TM9SF4: variants seen among roughly 807,000 people sequenced by gnomAD.
TM9SF4 encodes dinucleotide oxidase disulfide thiol exchanger 3 superfamily member 4.
A neutral mutation model predicts 90.4 loss-of-function variants in TM9SF4; 26 were observed. That is an observed-to-expected ratio of 0.29 (90% CI 0.21 to 0.40). TM9SF4 has a LOEUF of 0.40. Ranked by LOEUF, TM9SF4 falls within the 10% of genes least tolerant of loss-of-function variation. The pLI is 1.00. For missense variants in TM9SF4, 549 were observed against 834.8 expected, an observed-to-expected ratio of 0.66 and a Z score of 4.22; for synonymous variants, 293 against 315.4, an observed-to-expected ratio of 0.93 and a Z score of 0.75.
chr20:32,112,709 AC>A (rs1245113850), intron 1 of TM9SF4, among the ~76,000 whole-genome samples: 16 of 150,984 alleles, frequency 1.1e-4, no homozygotes, highest in Non-Finnish European at 2.2e-4. Flanking sequence ...AAAAAAAAAA[AC>A]AAAAAACAAA....
rs777818970 is a variant in TM9SF4 at position 32,145,434 on chromosome 20, T to C, written c.883+11T>C. The C allele has an allele frequency of 6.2e-7, 1 of 1,612,144 alleles. No homozygotes were observed. The highest frequency in any genetic ancestry group is 1.1e-5 in the South Asian group (1 of 91,032). On this transcript the variant is annotated intron_variant, in intron 8 of 17. Coordinates refer to ENST00000398022, the MANE Select transcript of TM9SF4 (RefSeq NM_014742.4). ...TCTTCTTCCTGTCAGGTGAGAGATC[T>C]GTGGGTTGAGGGAAAGGGGATGGGG...
In TM9SF4 at chr20:32,149,038, A is replaced by G. The variant is rs187137021; in HGVS notation, c.955-596A>G. ...CCTGAAGAAATGTTCACAAATACCA[A>G]CTGAAAATAACAAAGTACATAGTGT... On this transcript the variant is annotated intron_variant, in intron 9 of 17. Transcript: ENST00000398022. Among the ~76,000 whole-genome samples, 781 of 152,324 alleles carry G rather than the reference A, an allele frequency of 5.1e-3. 4 individuals carry two copies. Among genetic ancestry groups the G allele is most frequent in the African/African-American group, 0.018 (739 of 41,560 alleles).
At chr20:32,150,136 A>G (rs2046820460) in intron 10 of TM9SF4, among the ~76,000 whole-genome samples, 1 of 152,230 alleles carries the variant, frequency 6.6e-6, no homozygotes, top group African/African-American at 2.4e-5. Flanking sequence ...CCACTAATAT[A>G]TAGTAATTTT....
chr20:32,153,998 G>A (rs2046880932), intron 12 of TM9SF4, among the ~76,000 whole-genome samples: 1 of 152,144 alleles, frequency 6.6e-6, no homozygotes, highest in East Asian at 1.9e-4. Flanking sequence ...AGGAATAATG[G>A]TAGACTTTCC....
In TM9SF4 at chr20:32,155,197, C is replaced by T; in HGVS notation, c.1329+11C>T. 6.2e-7 allele frequency: 1 copy of T among 1,610,454 alleles called. No individual in the cohort carries two copies. The highest frequency in any genetic ancestry group is 1.1e-5 in the South Asian group (1 of 91,022). On this transcript the variant is annotated intron_variant, in intron 13 of 17. Transcript: ENST00000398022. The stretch of plus-strand genomic sequence containing the variant: ...CACTCATCAGGAGCGGTAAGTGCCT[C>T]CCCTACCCTTCCAGCCCCTCCCCAG...
At chr20:32,137,987 G>A (rs1465654334) in intron 3 of TM9SF4, among the ~76,000 whole-genome samples, 1 of 152,226 alleles carries the variant, frequency 6.6e-6, no homozygotes, top group Non-Finnish European at 1.5e-5. Flanking sequence ...AGCAGCTTCT[G>A]TGACTCTGAT....
rs1043327999 is a variant in TM9SF4 at position 32,155,177 on chromosome 20, A to C, written c.1320A>C (p.Ser440=). The stretch of plus-strand genomic sequence containing the variant: ...ATTGCTTCATTTGGGGAAAGCACTC[A>C]TCAGGAGCGGTAAGTGCCTCCCCTA... The part of the protein sequence containing the change: ...VLNCFIWGKH[S]SGAVPFPTMV... Residue 440 remains serine (S), a synonymous_variant, in exon 13 of 18, where the codon TCA becomes TCC. Transcript: ENST00000398022. 1 of 1,614,068 alleles carries C rather than the reference A, an allele frequency of 6.2e-7. No homozygotes were observed. The highest frequency in any genetic ancestry group is 8.5e-7 in the Non-Finnish European group (1 of 1,179,952).
chr20:32,120,400 T>TC (rs1470494658), intron 1 of TM9SF4, among the ~76,000 whole-genome samples: 1 of 151,170 alleles, frequency 6.6e-6, no homozygotes, highest in Non-Finnish European at 1.5e-5. Flanking sequence ...GGTGCGTTTT[T>TC]TTTTTTTTTT....
In TM9SF4 at chr20:32,151,904, C is replaced by T. The variant is rs1286474508; in HGVS notation, c.1245+1029C>T. 2.6e-5 allele frequency among the ~76,000 whole-genome samples: 4 copies of T among 151,728 alleles called. No individual in the cohort carries two copies. The East Asian group carries it at 5.8e-4, about 22-fold the overall frequency. ...TTAGACGGAGTCTCGCTCTGTTGCC[C>T]AGGCTGGAGTGCAGTGGTGTGATCT... is the stretch of plus-strand genomic sequence containing the variant. On this transcript the variant is annotated intron_variant, in intron 12 of 17. Coordinates refer to ENST00000398022, the MANE Select transcript of TM9SF4 (RefSeq NM_014742.4).
chr20:32,148,094 G>A (rs1359421021), intron 9 of TM9SF4, among the ~76,000 whole-genome samples: 1 of 152,124 alleles, frequency 6.6e-6, no homozygotes, highest in African/African-American at 2.4e-5. Context: ...CTGGGCAACA[G>A]AGCAAGACTC....
Position 32,150,635 on chromosome 20 carries a change from T to A in TM9SF4, c.1101T>A (p.Leu367=). ...MILIVIFVAM[L]GMLSPSSRGA... ...CTCCCTCCACAGTTGTAGCCATGCT[T>A]GGGATGCTGTCGCCCTCCAGCCGGG... Residue 367 remains leucine, a synonymous_variant, in exon 11 of 18, where the codon CTT becomes CTA. Transcript: ENST00000398022. The A allele has an allele frequency of 6.2e-7, 1 of 1,614,224 alleles. No homozygotes were observed. The highest frequency in any genetic ancestry group is 1.1e-5 in the South Asian group (1 of 91,084).
chr20:32,158,709 G>A (rs1054212980), intron 15 of TM9SF4, among the ~76,000 whole-genome samples, 195 bp downstream of exon 15: 3 of 152,166 alleles, frequency 2.0e-5, no homozygotes, highest in Non-Finnish European at 2.9e-5. Context: ...GAGGCTGGGC[G>A]CGGTGGCTCA....
At chr20:32,157,634 A>G in intron 13 of TM9SF4, among the ~76,000 whole-genome samples, 160 bp from the exon 14 acceptor site, 1 of 152,140 alleles carries the variant, frequency 6.6e-6, no homozygotes, top group East Asian at 1.9e-4. Flanking sequence ...GTCAGCCTCA[A>G]GAGATTCTGG....
At chr20:32,145,446 G>C (rs1012317254) in intron 8 of TM9SF4, 23 bp downstream of exon 8, 21 of 1,604,046 alleles carry the variant, frequency 1.3e-5, no homozygotes, top group Non-Finnish European at 1.8e-5. Flanking sequence ...TGGGTTGAGG[G>C]AAAGGGGATG....
chr20:32,136,046 A>T (rs2046590126), intron 2 of TM9SF4, 28 bp from the exon 3 acceptor site: 1 of 1,604,914 alleles, frequency 6.2e-7, no homozygotes, highest in Non-Finnish European at 8.5e-7. Context: ...ATTATTGGTC[A>T]TCTTGGTTTC....
intron 9 of TM9SF4, among the ~76,000 whole-genome samples, chr20:32,148,663 C>CTTTT (rs1234035990): frequency 2.5e-5 from 3 of 120,148 alleles, no homozygotes; most frequent in Admixed American, 8.7e-5. Context: ...AATATTACAG[C>CTTTT]TTTTTTTTTT....
At chr20:32,144,491 A>G (rs932782030) in intron 6 of TM9SF4, among the ~76,000 whole-genome samples, 3 of 152,346 alleles carry the variant, frequency 2.0e-5, no homozygotes, top group Admixed American at 1.3e-4. Context: ...GAACGTTTGA[A>G]TTGAGTGAAG....
intron 1 of TM9SF4, among the ~76,000 whole-genome samples, chr20:32,126,795 G>C (rs527956111): frequency 4.3e-4 from 66 of 151,836 alleles, no homozygotes; most frequent in African/African-American, 1.5e-3. Flanking sequence ...GAGTGCAATG[G>C]CACTATCTTG....
At chr20:32,134,693 G>A (rs1053629866) in intron 2 of TM9SF4, among the ~76,000 whole-genome samples, 5 of 150,210 alleles carry the variant, frequency 3.3e-5, no homozygotes, top group African/African-American at 1.2e-4. Context: ...TTTTTTGTGA[G>A]ATGGAATCTT....
Sources: allele counts gnomAD v4.1 joint callset (sites outside exome capture counted in the v4.1 genomes callset), GRCh38; gene constraint gnomAD v4.1.1; transcripts MANE v1.5; gene names NCBI Gene and HGNC (gene_info 2026-07-23, HGNC 2026-07-21).